The following PPP1R21 variants were observed in gnomAD, a reference collection of about 807,000 sequenced individuals.
The protein encoded by PPP1R21 is KLRAQ motif containing 1.
A neutral mutation model predicts 112.8 loss-of-function variants in PPP1R21; 85 were observed. The ratio of observed to expected loss-of-function variants is 0.75; its 90% CI spans 0.63 to 0.90. The LOEUF (loss-of-function observed/expected upper bound fraction) is 0.90, where lower values mean the gene tolerates loss of function less well. Among genes scored for constraint, PPP1R21 ranks in the 40% least tolerant of loss-of-function variants. The pLI, the probability that PPP1R21 is intolerant of heterozygous loss-of-function variation, is 0.00. For missense variants in PPP1R21, 1,199 were observed against 901.5 expected, an observed-to-expected ratio of 1.33 and a Z score of -4.23; for synonymous variants, 381 against 322.3, an observed-to-expected ratio of 1.18 and a Z score of -1.95.
Position 48,458,145 on chromosome 2 carries a change from C to T in PPP1R21, c.293C>T (p.Ser98Phe). The T allele has an allele frequency of 1.2e-6, 2 of 1,611,316 alleles. No individual in the cohort carries two copies. The highest frequency in any genetic ancestry group is 1.3e-5 in the African/African-American group (1 of 74,974). Residue 98 changes from serine (S) to phenylalanine (F), a missense_variant, in exon 4 of 22, where the codon TCT becomes TTT. Transcript: ENST00000294952. ...KKNKKSGESSSQLSQEQKSVF... is the reference protein window; with the variant it reads ...KKNKKSGESSFQLSQEQKSVF... The stretch of plus-strand genomic sequence containing the variant: ...CATCAGAAAAGTGGAGAATCTTCTT[C>T]TCAGTTGAGTCAAGAGCAGAAGAGT...
At chr2:48,468,251 A>G (rs564887050) in intron 9 of PPP1R21, among the ~76,000 whole-genome samples, 14 of 152,248 alleles carry the variant, frequency 9.2e-5, no homozygotes, top group Admixed American at 4.6e-4. Flanking sequence ...AGTGCGTGGC[A>G]TGTAATACTA....
intron 16 of PPP1R21, among the ~76,000 whole-genome samples, chr2:48,497,802 C>T (rs1179763081): frequency 2.6e-5 from 4 of 152,038 alleles, no homozygotes; most frequent in Non-Finnish European, 5.9e-5. Context: ...CAGGCGCCCG[C>T]CGCCACACCT....
At position 48,461,137 on chromosome 2, in the gene PPP1R21, G is replaced by A. The variant is rs1333315890; in HGVS notation, c.600-1G>A. 6.4e-7 allele frequency: 1 copy of A among 1,564,590 alleles called. No homozygotes were observed. On this transcript the variant is annotated splice_acceptor_variant, in intron 6 of 21. Transcript: ENST00000294952. LOFTEE classifies it high-confidence loss of function. ...GTTTTGTATTTTTTTTTTTTTTGCA[G>A]TCAATTACAGTTAAAGACTCTTCAT...
At chr2:48,502,676 C>CTTTTTT (rs762811938) in intron 17 of PPP1R21, among the ~76,000 whole-genome samples, 1,518 of 93,688 alleles carry the variant, frequency 0.016, 5 homozygotes, top group East Asian at 0.028. Context: ...AGAAACTTTT[C>CTTTTTT]TTTTTTTTTT....
chr2:48,504,290 G>C (rs978745079), intron 17 of PPP1R21, among the ~76,000 whole-genome samples: 2 of 152,130 alleles, frequency 1.3e-5, no homozygotes, highest in Non-Finnish European at 2.9e-5. Context: ...TACACATTCA[G>C]TTGATATACT....
chr2:48,470,266 A>C (rs144338546), intron 9 of PPP1R21, among the ~76,000 whole-genome samples: 2,811 of 152,126 alleles, frequency 0.018, 72 homozygotes, highest in African/African-American at 0.061. Flanking sequence ...ACCTGTAATC[A>C]CAGCACTTTG....
chr2:48,463,578 C>CG (rs1668072809), intron 7 of PPP1R21, among the ~76,000 whole-genome samples: 1 of 151,806 alleles, frequency 6.6e-6, no homozygotes, highest in South Asian at 2.1e-4. Context: ...GCCTGACAGA[C>CG]GGGCAAAGTG....
At chr2:48,476,385 G>C (rs1668756090) in intron 12 of PPP1R21, among the ~76,000 whole-genome samples, 1 of 152,018 alleles carries the variant, frequency 6.6e-6, no homozygotes, top group Non-Finnish European at 1.5e-5. Context: ...CTACCTTTTG[G>C]CTATTACAAA....
intron 12 of PPP1R21, among the ~76,000 whole-genome samples, chr2:48,475,967 C>G (rs1288111954): frequency 6.6e-6 from 1 of 151,804 alleles, no homozygotes; most frequent in Non-Finnish European, 1.5e-5. Flanking sequence ...AATTTATATA[C>G]CATACAATGT....
At chr2:48,504,243 G>C (rs1327041806) in intron 17 of PPP1R21, among the ~76,000 whole-genome samples, 1 of 152,064 alleles carries the variant, frequency 6.6e-6, no homozygotes, top group Non-Finnish European at 1.5e-5. Context: ...TCTTATCAAA[G>C]ACTCTTTTAC....
chr2:48,510,545 C>T (rs1234960170), intron 20 of PPP1R21, among the ~76,000 whole-genome samples: 1 of 152,216 alleles, frequency 6.6e-6, no homozygotes, highest in Admixed American at 6.5e-5. Flanking sequence ...CAGAAAGCCT[C>T]TGCTAATAAA....
intron 12 of PPP1R21, chr2:48,479,338 G>A: frequency 2.7e-6 from 1 of 376,092 alleles, no homozygotes. Flanking sequence ...GTGGGAGGGA[G>A]GTAGTGATTC....
At chr2:48,442,560 T>G (rs1667079787) in intron 1 of PPP1R21, among the ~76,000 whole-genome samples, 1 of 152,220 alleles carries the variant, frequency 6.6e-6, no homozygotes, top group Non-Finnish European at 1.5e-5. Flanking sequence ...GAGGCAGGGT[T>G]CAGCTTAACA....
At chr2:48,497,998 A>G (rs1328195302) in intron 16 of PPP1R21, among the ~76,000 whole-genome samples, 1 of 152,088 alleles carries the variant, frequency 6.6e-6, no homozygotes, top group East Asian at 1.9e-4. Context: ...CCATTTTTGT[A>G]TTCTCTGCTT....
In PPP1R21 at chr2:48,459,863, C is replaced by T. The variant is rs1667898906; in HGVS notation, c.485C>T (p.Thr162Ile). ...CACCAAGCTGTGGTTGACGGTCTCA[C>T]CCGGAAGTACATGGAAACCATTGAG... ...AQHQAVVDGLTRKYMETIEKL... is the reference protein window; with the variant it reads ...AQHQAVVDGLIRKYMETIEKL... The change falls in exon 5 of 22, where the codon ACC becomes ATC. Residue 162 changes from threonine (T) to isoleucine (I), a missense_variant. Physicochemically the swap from Thr to Ile is moderately conservative, Grantham distance 89 (BLOSUM62 -1). Coordinates refer to ENST00000294952, the MANE Select transcript of PPP1R21 (RefSeq NM_001135629.3). 2 of 1,614,136 alleles carry T rather than the reference C, an allele frequency of 1.2e-6. No homozygotes were observed. The highest frequency in any genetic ancestry group is 2.2e-5 in the East Asian group (1 of 44,884).
intron 2 of PPP1R21, among the ~76,000 whole-genome samples, chr2:48,454,145 C>T (rs1306117241): frequency 6.6e-6 from 1 of 152,102 alleles, no homozygotes; most frequent in Non-Finnish European, 1.5e-5. Context: ...CCTGAAGTCC[C>T]AGCCACTCGG....
chr2:48,460,023 A>G, intron 5 of PPP1R21, 72 bp from the exon 6 acceptor site: 1 of 1,596,904 alleles, frequency 6.3e-7, no homozygotes, highest in Non-Finnish European at 8.6e-7. Flanking sequence ...TTTTGCCTGC[A>G]GGGTCTTACT....
intron 17 of PPP1R21, 76 bp downstream of exon 17, chr2:48,498,811 C>T (rs1169134884): frequency 7.0e-7 from 1 of 1,437,860 alleles, no homozygotes; most frequent in East Asian, 2.3e-5. Flanking sequence ...CAACATTAAC[C>T]ATTGTCTTAG....
chr2:48,476,393 AAAT>A, intron 12 of PPP1R21, among the ~76,000 whole-genome samples: 1 of 152,330 alleles, frequency 6.6e-6, no homozygotes, highest in African/African-American at 2.4e-5. Flanking sequence ...TGGCTATTAC[AAAT>A]AATGATGCTA....
Sources: gnomAD v4.1 joint callset for allele counts (sites outside exome capture counted in the v4.1 genomes callset) on GRCh38, gnomAD v4.1.1 for gene constraint, MANE v1.5 for transcripts, NCBI Gene and HGNC (gene_info 2026-07-23, HGNC 2026-07-21) for gene names.